The following NIT2 variants were observed in gnomAD, a reference collection of about 807,000 sequenced individuals.
NIT2 encodes omega-amidase NIT2.
In NIT2, 46 loss-of-function variants were observed where a neutral mutation model predicts 42.7. The ratio of observed to expected loss-of-function variants is 1.08; its 90% CI spans 0.85 to 1.38. The LOEUF (loss-of-function observed/expected upper bound fraction) is 1.38. Among genes scored for constraint, NIT2 ranks in the 40% most tolerant of loss-of-function variants. The pLI, the probability that NIT2 is intolerant of heterozygous loss-of-function variation, is 0.00. For missense variants in NIT2, 309 were observed against 342.5 expected, an observed-to-expected ratio of 0.90 and a Z score of 0.77; for synonymous variants, 123 against 121.9, an observed-to-expected ratio of 1.01 and a Z score of -0.06.
At position 100,350,224 on chromosome 3, in the gene NIT2, A is replaced by C. The variant is rs1576202882; in HGVS notation, c.584+1343A>C. ...TGGTGGAAGATGGGGGTAGGGGTATAAGATGCCATGAGTATCAGTGAAGGT... is the reference window on the plus strand; with the variant it reads ...TGGTGGAAGATGGGGGTAGGGGTATCAGATGCCATGAGTATCAGTGAAGGT... On this transcript the variant is annotated intron_variant, in intron 7 of 9. Transcript: ENST00000394140. Among the ~76,000 whole-genome samples the C allele has an allele frequency of 5.9e-5, 9 of 152,286 alleles. 2 individuals are homozygous for C. The highest frequency in any genetic ancestry group is 5.9e-4 in the Admixed American group (9 of 15,290).
chr3:100,346,007 T>C, intron 5 of NIT2, 174 bp from the exon 6 acceptor site: 6 of 615,932 alleles, frequency 9.7e-6, no homozygotes, highest in Non-Finnish European at 1.2e-5. Flanking sequence ...AAATGATGTC[T>C]TTATGAGATG....
intron 4 of NIT2, among the ~76,000 whole-genome samples, chr3:100,345,035 A>G (rs1036044566): frequency 1.3e-5 from 2 of 150,346 alleles, no homozygotes; most frequent in African/African-American, 2.5e-5. Flanking sequence ...GCTCACTGCA[A>G]CCTCCACCTC....
chr3:100,354,153 A>C (rs1431364198), intron 8 of NIT2, among the ~76,000 whole-genome samples: 1 of 152,184 alleles, frequency 6.6e-6, no homozygotes, highest in Non-Finnish European at 1.5e-5. Flanking sequence ...GGCTCCTGCC[A>C]GTGTGAGGTT....
chr3:100,335,573 GCA>G (rs1179314795), intron 1 of NIT2, among the ~76,000 whole-genome samples: 1 of 152,194 alleles, frequency 6.6e-6, no homozygotes, highest in Non-Finnish European at 1.5e-5. Flanking sequence ...CCCTGCTGCA[GCA>G]TGTCTGTAGA....
At chr3:100,342,520 T>A (rs935098807) in intron 4 of NIT2, among the ~76,000 whole-genome samples, 46 of 142,826 alleles carry the variant, frequency 3.2e-4, no homozygotes, top group African/African-American at 1.1e-3. Context: ...ACATCTTAGC[T>A]TTTTTTTTTT....
chr3:100,361,223 G>A lies in NIT2; in HGVS notation c.*5955G>A, dbSNP rs1409230112. The A allele has an allele frequency of 6.6e-6, 1 of 152,174 alleles. No homozygotes were observed. Among genetic ancestry groups the A allele is most frequent in the East Asian group, 1.9e-4 (1 of 5,194 alleles). 9.4% of individuals were successfully genotyped at this position (152,174 alleles called of 1,614,324 possible). A position where few individuals can be genotyped will look rare whatever the true frequency, so the allele number is the denominator to read the frequency against. ...ATAGCAGTTCATAATTTAGGCCATG[G>A]ATCATCTCTGCAGAGAATCCTACCA... On this transcript the variant is annotated 3_prime_UTR_variant, in exon 10 of 10. Transcript: ENST00000394140.
Position 100,355,097 on chromosome 3 carries a change from T to C in NIT2, c.740-80T>C, listed in dbSNP as rs573632030. On this transcript the variant is annotated intron_variant, in intron 9 of 9. Coordinates refer to ENST00000394140, the MANE Select transcript of NIT2 (RefSeq NM_020202.5). ...AGTTACTTACTAAGACTCTGGTGGT[T>C]TATACAGTCAGGGGAAGAAATCCCC... is the stretch of plus-strand genomic sequence containing the variant. The C allele has an allele frequency of 2.4e-5, 25 of 1,046,736 alleles. No homozygotes were observed. The East Asian group carries it at 6.1e-4, about 25-fold the overall frequency. The allele number at this position is 1,046,736 out of a possible 1,614,324, so 64.8% of individuals were successfully genotyped here. A position where few individuals can be genotyped will look rare whatever the true frequency, so the allele number is the denominator to read the frequency against.
At chr3:100,350,881 A>G (rs1035334459) in intron 7 of NIT2, among the ~76,000 whole-genome samples, 11 of 145,348 alleles carry the variant, frequency 7.6e-5, no homozygotes, top group Admixed American at 1.4e-4. Context: ...AACAGTCCCC[A>G]GAGTGTGATG....
rs1160587457 is a variant in NIT2, at chr3:100,348,806, G to T, written c.509G>T (p.Cys170Phe). The change falls in exon 7 of 10, where the codon TGC becomes TTC. Residue 170 changes from cysteine to phenylalanine, a missense_variant. Coordinates refer to ENST00000394140, the MANE Select transcript of NIT2 (RefSeq NM_020202.5). ...CTTTGGCTTTTCTCTCCCCAAGGCT[G>T]CCAGCTGTTGGTATATCCAGGAGCT... ...ELAQIYAQRG[C>F]QLLVYPGAFN... 5 of 1,613,690 alleles carry T rather than the reference G, an allele frequency of 3.1e-6. No individual in the cohort carries two copies. In the Admixed American group the frequency reaches 6.7e-5, roughly 22 times the overall value.
chr3:100,343,483 G>A (rs150475498), intron 4 of NIT2, among the ~76,000 whole-genome samples: 2,193 of 151,696 alleles, frequency 0.014, 31 homozygotes, highest in Non-Finnish European at 0.022. Context: ...TCAATTTCCC[G>A]TAAGCCAACC....
rs1053846385 is a variant in NIT2, at chr3:100,356,419, C to G, written c.*1151C>G. 3.9e-5 allele frequency: 6 copies of G among 152,214 alleles called. No homozygotes were observed. The highest frequency in any genetic ancestry group is 2.1e-4 in the South Asian group (1 of 4,828). The allele number at this position is 152,214 out of a possible 1,614,324, so 9.4% of individuals were successfully genotyped here. On this transcript the variant is annotated 3_prime_UTR_variant, in exon 10 of 10. Coordinates refer to ENST00000394140, the MANE Select transcript of NIT2 (RefSeq NM_020202.5). ...GGTGCAATCCTGCCCTAGCACACCA[C>G]TGGTTTAAGATAGATATATCATATA...
At chr3:100,351,267 A>G (rs1706269340) in intron 7 of NIT2, among the ~76,000 whole-genome samples, 2 of 152,244 alleles carry the variant, frequency 1.3e-5, no homozygotes, top group South Asian at 2.1e-4. Context: ...ACTAAAGTTC[A>G]TATGGAACCA....
chr3:100,335,271 T>A (rs891723751), intron 1 of NIT2, among the ~76,000 whole-genome samples: 2 of 152,248 alleles, frequency 1.3e-5, no homozygotes, highest in Admixed American at 1.3e-4. Flanking sequence ...TCAGTGACTT[T>A]GTGCAGCTTT....
intron 6 of NIT2, among the ~76,000 whole-genome samples, chr3:100,347,351 C>T (rs1378264851): frequency 7.2e-5 from 11 of 152,232 alleles, no homozygotes; most frequent in Non-Finnish European, 1.2e-4. Context: ...CCGCCTCGGC[C>T]TCCCAAAGTG....
chr3:100,353,364 G>GT (rs1706292979), intron 8 of NIT2, among the ~76,000 whole-genome samples: 1 of 152,206 alleles, frequency 6.6e-6, no homozygotes, highest in Non-Finnish European at 1.5e-5. Flanking sequence ...GTTCCTGAGG[G>GT]TTCTGTCTTC....
chr3:100,349,649 C>T (rs1320663597), intron 7 of NIT2: 1 of 152,262 alleles, frequency 6.6e-6, no homozygotes, highest in Non-Finnish European at 1.5e-5. Context: ...CTATGCCATT[C>T]AGATCAGGAT....
chr3:100,344,124 A>G (rs1706185380), intron 4 of NIT2, among the ~76,000 whole-genome samples: 1 of 152,124 alleles, frequency 6.6e-6, no homozygotes, highest in East Asian at 1.9e-4. Context: ...TGCTTTCTCC[A>G]TTTCAGGATT....
intron 7 of NIT2, among the ~76,000 whole-genome samples, chr3:100,351,451 C>T (rs529975752): frequency 6.6e-5 from 10 of 152,038 alleles, no homozygotes; most frequent in South Asian, 2.1e-4. Flanking sequence ...GAAATAACGC[C>T]GCATATCTAC....
chr3:100,352,204 A>G (rs1706281803), intron 7 of NIT2, among the ~76,000 whole-genome samples, 200 bp from the exon 8 acceptor site: 1 of 152,236 alleles, frequency 6.6e-6, no homozygotes, highest in Admixed American at 6.5e-5. Context: ...CAGTGTGGTG[A>G]TTCCTCAGGG....
Sources: gnomAD v4.1 joint callset for allele counts (sites outside exome capture counted in the v4.1 genomes callset) on GRCh38, gnomAD v4.1.1 for gene constraint, MANE v1.5 for transcripts, NCBI Gene and HGNC (gene_info 2026-07-23, HGNC 2026-07-21) for gene names.